Variants in ATP2B2 observed in about 807,000 individuals in gnomAD.
ATP2B2 encodes ATPase plasma membrane Ca2+ transporting 2.
In ATP2B2, 15 loss-of-function variants were observed where a neutral mutation model predicts 120.0. The observed-to-expected ratio is 0.12, with a 90% CI of 0.08 to 0.19. The LOEUF (loss-of-function observed/expected upper bound fraction) is 0.19. ATP2B2 is among the 10% of genes least tolerant of loss of function. The probability of loss-of-function intolerance (pLI) is 1.00; values close to 1 mark genes in which losing one functional copy is unlikely to be tolerated. For missense variants in ATP2B2, 1,045 were observed against 1,719.8 expected (o/e 0.61, Z 6.94); for synonymous variants, 694 against 700.3 (o/e 0.99, Z 0.14).
At chr3:10,515,467 A>T (rs2066859347) in intron 3 of ATP2B2, among the ~76,000 whole-genome samples, 1 of 152,126 alleles carries the variant, frequency 6.6e-6, no homozygotes, top group Non-Finnish European at 1.5e-5. Context: ...TCCCCATGGG[A>T]GTGTCTCAAT....
intron 1 of ATP2B2, among the ~76,000 whole-genome samples, chr3:10,450,854 C>T (rs531029171): frequency 1.5e-4 from 23 of 152,244 alleles, no homozygotes; most frequent in South Asian, 1.2e-3. Flanking sequence ...CACCAGAGGC[C>T]GAGGCCCCAG....
At chr3:10,332,307 T>C (rs2060002821) in intron 22 of ATP2B2, 1 of 449,900 alleles carries the variant, frequency 2.2e-6, no homozygotes, top group African/African-American at 1.9e-5. Flanking sequence ...GCGTCCAGAA[T>C]GTGGCTTGGA....
chr3:10,488,463 ATTCCTTCC>A (rs1257729803), intron 1 of ATP2B2, among the ~76,000 whole-genome samples: 10,602 of 95,686 alleles, frequency 0.11, 1,080 homozygotes, highest in African/African-American at 0.28. Context: ...CACCCTACAA[ATTCCTTCC>A]TTCCTTCCTT....
At chr3:10,468,107 G>A (rs2064827219) in intron 1 of ATP2B2, among the ~76,000 whole-genome samples, 1 of 152,228 alleles carries the variant, frequency 6.6e-6, no homozygotes. Flanking sequence ...CCAGGGAAGT[G>A]GGAGGCGGGG....
At chr3:10,693,512 G>A (rs549531864) in intron 1 of ATP2B2, among the ~76,000 whole-genome samples, 1 of 152,352 alleles carries the variant, frequency 6.6e-6, no homozygotes, top group Non-Finnish European at 1.5e-5. Flanking sequence ...ACACAGCAAA[G>A]CTTGATGCTT....
chr3:10,334,727 T>A (rs972535134), intron 22 of ATP2B2, among the ~76,000 whole-genome samples: 4 of 152,188 alleles, frequency 2.6e-5, no homozygotes, highest in African/African-American at 9.7e-5. Context: ...ACATTTGCCA[T>A]CAACAGGCTC....
At chr3:10,666,664 T>C (rs2070946798) in intron 1 of ATP2B2, among the ~76,000 whole-genome samples, 1 of 152,190 alleles carries the variant, frequency 6.6e-6, no homozygotes, top group African/African-American at 2.4e-5. Flanking sequence ...CATAGTAAGA[T>C]GGGTGGAAGC....
chr3:10,522,671 A>G, intron 3 of ATP2B2, among the ~76,000 whole-genome samples: 1 of 152,206 alleles, frequency 6.6e-6, no homozygotes, highest in East Asian at 1.9e-4. Context: ...CATCCACACC[A>G]TCCGTTTGTC....
At chr3:10,528,768 G>A (rs570722363) in intron 3 of ATP2B2, among the ~76,000 whole-genome samples, 40 of 152,326 alleles carry the variant, frequency 2.6e-4, no homozygotes, top group African/African-American at 7.5e-4. Context: ...TCAACCTAGC[G>A]ACTTCCTTCG....
chr3:10,430,354 A>G (rs2063277796), intron 2 of ATP2B2, among the ~76,000 whole-genome samples: 1 of 152,244 alleles, frequency 6.6e-6, no homozygotes, highest in Admixed American at 6.5e-5. Context: ...ACCACTCCAG[A>G]TGCCATTAAG....
chr3:10,658,315 G>A (rs1005580225), intron 1 of ATP2B2, among the ~76,000 whole-genome samples: 2 of 146,500 alleles, frequency 1.4e-5, no homozygotes, highest in African/African-American at 4.9e-5. Flanking sequence ...GGAGAAGTTC[G>A]AACCCATCAC....
chr3:10,610,084 C>T (rs1316678950), intron 2 of ATP2B2, among the ~76,000 whole-genome samples: 1 of 150,100 alleles, frequency 6.7e-6, no homozygotes, highest in African/African-American at 2.5e-5. Flanking sequence ...CATACACACA[C>T]ACACACACAC....
intron 1 of ATP2B2, among the ~76,000 whole-genome samples, chr3:10,489,047 C>T (rs887607103): frequency 3.3e-5 from 5 of 152,186 alleles, no homozygotes; most frequent in African/African-American, 1.2e-4. Context: ...TTCTCCCTTG[C>T]TGTTTCTCCA....
intron 2 of ATP2B2, among the ~76,000 whole-genome samples, chr3:10,412,116 C>G: frequency 6.6e-6 from 1 of 152,246 alleles, no homozygotes; most frequent in Non-Finnish European, 1.5e-5. Context: ...CAGAGCCAGG[C>G]CAGCACTTTG....
At chr3:10,417,714 G>C (rs1445213621) in intron 2 of ATP2B2, among the ~76,000 whole-genome samples, 1 of 152,218 alleles carries the variant, frequency 6.6e-6, no homozygotes, top group Non-Finnish European at 1.5e-5. Flanking sequence ...ACTACTGTAA[G>C]GAAGACAGGA....
chr3:10,536,399 CTCTTCT>C (rs141039670), intron 2 of ATP2B2, among the ~76,000 whole-genome samples: 3 of 149,384 alleles, frequency 2.0e-5, no homozygotes, highest in Non-Finnish European at 4.4e-5. Flanking sequence ...ATTTGCTTTC[CTCTTCT>C]TCTTCTTCTG....
intron 1 of ATP2B2, among the ~76,000 whole-genome samples, chr3:10,494,496 T>A (rs2066062815): frequency 6.6e-6 from 1 of 152,198 alleles, no homozygotes; most frequent in South Asian, 2.1e-4. Context: ...CACTGCCCTG[T>A]GCCTTCTCCT....
chr3:10,701,825 C>G (rs2071823874), intron 1 of ATP2B2, among the ~76,000 whole-genome samples: 1 of 152,066 alleles, frequency 6.6e-6, no homozygotes, highest in African/African-American at 2.4e-5. Flanking sequence ...ATCTCCAGTC[C>G]TCTATCACTC....
chr3:10,404,057 T>A (rs190668044), intron 3 of ATP2B2, among the ~76,000 whole-genome samples: 1 of 152,300 alleles, frequency 6.6e-6, no homozygotes, highest in Admixed American at 6.5e-5. Flanking sequence ...ACTCAAGGAA[T>A]GTTTATGGGC....
Sources: gnomAD v4.1 joint callset for allele counts (sites outside exome capture counted in the v4.1 genomes callset) on GRCh38, gnomAD v4.1.1 for gene constraint, MANE v1.5 for transcripts, NCBI Gene and HGNC (gene_info 2026-07-23, HGNC 2026-07-21) for gene names.